Variants in IQCH observed in about 807,000 individuals in gnomAD.
IQCH encodes IQ domain-containing protein H.
Under a neutral mutation model 117.0 loss-of-function variants are expected in IQCH, and 98 were observed. That is an observed-to-expected ratio of 0.84 (90% confidence interval 0.71 to 0.99). The LOEUF is 0.99. IQCH is among the 50% of genes least tolerant of loss of function. The pLI, the probability that IQCH is intolerant of heterozygous loss-of-function variation, is 0.00. For missense variants in IQCH, 1,102 were observed against 1,243.8 expected (o/e 0.89, Z 1.72); for synonymous variants, 412 against 448.2 (o/e 0.92, Z 1.02).
At chr15:67,396,178 A>C (rs956219501) in intron 13 of IQCH, among the ~76,000 whole-genome samples, 2 of 152,152 alleles carry the variant, frequency 1.3e-5, no homozygotes, top group African/African-American at 4.8e-5. Flanking sequence ...ATAGGATCCT[A>C]AGAAATAGGA....
chr15:67,339,727 A>G (rs1424231089), intron 5 of IQCH, among the ~76,000 whole-genome samples: 1 of 152,238 alleles, frequency 6.6e-6, no homozygotes, highest in Non-Finnish European at 1.5e-5. Flanking sequence ...AATCTCAAAA[A>G]CCAAAAATTC....
chr15:67,303,055 A>G (rs1967129444), intron 4 of IQCH, among the ~76,000 whole-genome samples: 1 of 152,222 alleles, frequency 6.6e-6, no homozygotes, highest in Non-Finnish European at 1.5e-5. Flanking sequence ...TAGATGGATC[A>G]TGAACAAATC....
At chr15:67,419,364 A>G (rs1254937523) in intron 15 of IQCH, among the ~76,000 whole-genome samples, 2 of 152,080 alleles carry the variant, frequency 1.3e-5, no homozygotes, top group African/African-American at 2.4e-5. Flanking sequence ...CCCTGCATCA[A>G]TGGTCCCTAA....
chr15:67,358,075 T>G (rs1596251647), intron 7 of IQCH, among the ~76,000 whole-genome samples: 1 of 150,980 alleles, frequency 6.6e-6, no homozygotes, highest in African/African-American at 2.4e-5. Context: ...GCCAGGCTGG[T>G]CTCGAACTCC....
At chr15:67,282,601 C>T (rs1016389900) in intron 4 of IQCH, among the ~76,000 whole-genome samples, 1 of 152,118 alleles carries the variant, frequency 6.6e-6, no homozygotes, top group African/African-American at 2.4e-5. Flanking sequence ...AAAGATAGCC[C>T]TAATTTTGCA....
rs1485398612 is a variant in IQCH at position 67,465,614 on chromosome 15, C to T, written c.2676+317C>T. On this transcript the variant is annotated intron_variant, in intron 17 of 20. Coordinates refer to ENST00000335894, the MANE Select transcript of IQCH (RefSeq NM_001031715.3). The surrounding 1 kb of genome is among the most constrained non-coding windows in gnomAD (Gnocchi z 5.9). ...TCACACAAAACCCATATTTTTCTAG[C>T]CCCACTCTCTTTTGTGAGCTTCAGA... Among the ~76,000 whole-genome samples the T allele has an allele frequency of 6.6e-6, 1 of 152,140 alleles. No individual in the cohort carries two copies. Among genetic ancestry groups the T allele is most frequent in the Non-Finnish European group, 1.5e-5 (1 of 68,032 alleles).
intron 10 of IQCH, among the ~76,000 whole-genome samples, chr15:67,374,858 A>G (rs1970683973): frequency 6.6e-6 from 1 of 152,228 alleles, no homozygotes; most frequent in Non-Finnish European, 1.5e-5. Context: ...AATAAGGTGC[A>G]GGAGGCTTTG....
intron 18 of IQCH, among the ~76,000 whole-genome samples, chr15:67,485,171 A>C (rs552599434): frequency 4.6e-5 from 7 of 152,322 alleles, no homozygotes; most frequent in Non-Finnish European, 7.4e-5. Flanking sequence ...AGCTAGGACT[A>C]ATATGTTCAA....
Position 67,476,691 on chromosome 15 carries a change from T to C in IQCH, c.2799+873T>C, listed in dbSNP as rs947286829. Among the ~76,000 whole-genome samples the C allele has an allele frequency of 2.0e-5, 3 of 152,208 alleles. No homozygotes were observed. The highest frequency in any genetic ancestry group is 1.3e-4 in the Admixed American group (2 of 15,274). ...CGTCTCCTGCCAAAAATAGAACCTCTGTTTTATGCCTAGAGACTCATGTTA... is the reference window on the plus strand; with the variant it reads ...CGTCTCCTGCCAAAAATAGAACCTCCGTTTTATGCCTAGAGACTCATGTTA... On this transcript the variant is annotated intron_variant, in intron 18 of 20. Transcript: ENST00000335894. The surrounding 1 kb of genome is among the most constrained non-coding windows in gnomAD (Gnocchi z 4.1).
intron 18 of IQCH, among the ~76,000 whole-genome samples, chr15:67,487,824 A>T (rs1429584726): frequency 6.6e-6 from 1 of 152,162 alleles, no homozygotes; most frequent in African/African-American, 2.4e-5. Context: ...CCCAAAATAT[A>T]GTTTCCTTTT....
At chr15:67,341,879 A>G (rs1222995353) in intron 5 of IQCH, among the ~76,000 whole-genome samples, 3 of 152,222 alleles carry the variant, frequency 2.0e-5, no homozygotes, top group Admixed American at 6.5e-5. Context: ...TTAAATTTGC[A>G]TGTGTATAAA....
chr15:67,307,510 T>C (rs1173290575), intron 4 of IQCH, among the ~76,000 whole-genome samples: 1 of 14,756 alleles, frequency 6.8e-5, no homozygotes, highest in Non-Finnish European at 1.4e-4. Flanking sequence ...GGGGTGGGGG[T>C]GGGGGTAGGG....
chr15:67,378,696 G>A lies in IQCH; in HGVS notation c.1372+5263G>A, dbSNP rs563856337. ...TTATCCAATTGGTCTTGAGCTATAT[G>A]ATGTTGTACCATGAAATACAGAAAC... On this transcript the variant is annotated intron_variant, in intron 10 of 20. Coordinates refer to ENST00000335894, the MANE Select transcript of IQCH (RefSeq NM_001031715.3). Among the ~76,000 whole-genome samples, 327 of 152,104 alleles carry A rather than the reference G, an allele frequency of 2.1e-3. 1 individual carries two copies. Among genetic ancestry groups the A allele is most frequent in the Middle Eastern group, 0.01 (3 of 294 alleles).
intron 4 of IQCH, among the ~76,000 whole-genome samples, chr15:67,316,203 G>T (rs1596164444): frequency 6.6e-6 from 1 of 152,048 alleles, no homozygotes; most frequent in East Asian, 1.9e-4. Context: ...CTTAAGATGG[G>T]GCTGACCCTT....
intron 16 of IQCH, among the ~76,000 whole-genome samples, chr15:67,441,811 C>G (rs570041537): frequency 7.2e-5 from 11 of 152,106 alleles, no homozygotes; most frequent in Non-Finnish European, 1.3e-4. Flanking sequence ...AAAACCCCTT[C>G]TAGACATTGG....
chr15:67,414,939 T>C (rs1398746884), intron 14 of IQCH, among the ~76,000 whole-genome samples: 1 of 152,116 alleles, frequency 6.6e-6, no homozygotes, highest in East Asian at 1.9e-4. Flanking sequence ...GAGACTTCCT[T>C]TCCTTGCCAT....
chr15:67,403,678 G>C lies in IQCH; in HGVS notation c.2097+3373G>C, dbSNP rs903495422. The C allele has an allele frequency of 6.6e-6, 1 of 152,270 alleles. No individual in the cohort carries two copies. 9.4% of individuals were successfully genotyped at this position (152,270 alleles called of 1,614,324 possible). A position where few individuals can be genotyped will look rare whatever the true frequency, so the allele number is the denominator to read the frequency against. On this transcript the variant is annotated intron_variant, in intron 14 of 20. Coordinates refer to ENST00000335894, the MANE Select transcript of IQCH (RefSeq NM_001031715.3). This position sits in a 1 kb window ranked among gnomAD's most constrained non-coding sequence, Gnocchi z 4.8. ...TAGGAGGAATAAAGGCTTAAACAAA[G>C]GAAGGCAAACATGTAGGGGAGAAAC...
intron 19 of IQCH, among the ~76,000 whole-genome samples, chr15:67,492,297 A>G (rs1207096899): frequency 6.6e-6 from 1 of 152,198 alleles, no homozygotes; most frequent in African/African-American, 2.4e-5. Context: ...TAGAGATATG[A>G]ACTGTGTCTT....
At chr15:67,368,690 TA>T (rs923095536) in intron 8 of IQCH, among the ~76,000 whole-genome samples, 6 of 152,230 alleles carry the variant, frequency 3.9e-5, no homozygotes, top group African/African-American at 1.4e-4. Context: ...TATCATTCTC[TA>T]AAGATGATAT....
Sources: gnomAD v4.1 joint callset for allele counts (sites outside exome capture counted in the v4.1 genomes callset) on GRCh38, gnomAD v4.1.1 for gene constraint, Gnocchi (gnomAD v3.1) non-coding constraint, MANE v1.5 for transcripts, NCBI Gene and HGNC (gene_info 2026-07-23, HGNC 2026-07-21) for gene names.